The following HPS5 variants were observed in gnomAD, a reference collection of about 807,000 sequenced individuals.
HPS5 encodes BLOC-2 complex member HPS5.
HPS5 carries 83 observed loss-of-function variants against 128.0 expected under a neutral mutation model. The ratio of observed to expected loss-of-function variants is 0.65; its 90% confidence interval spans 0.54 to 0.78. The LOEUF is 0.78. Ranked by LOEUF, HPS5 falls within the 30% of genes least tolerant of loss-of-function variation. HPS5 has a pLI of 0.00. For synonymous variants in HPS5, 475 were observed against 470.2 expected (o/e 1.01, Z -0.13); for missense variants, 1,281 against 1,326.2 (o/e 0.97, Z 0.53).
intron 17 of HPS5, 38 bp downstream of exon 17, chr11:18,287,855 T>C (rs1859929891): frequency 2.5e-6 from 4 of 1,613,572 alleles, no homozygotes; most frequent in Admixed American, 1.7e-5. Flanking sequence ...AAAATGCATG[T>C]GCTTTAGCTC....
chr11:18,288,765 C>A (rs1371523959), intron 16 of HPS5, among the ~76,000 whole-genome samples: 1 of 133,416 alleles, frequency 7.5e-6, no homozygotes, highest in East Asian at 2.5e-4. Flanking sequence ...TGTGCAGCGA[C>A]GGGGTCTTCC....
chr11:18,314,667 A>G (rs1863407802), intron 2 of HPS5: 1 of 152,102 alleles, frequency 6.6e-6, no homozygotes, highest in African/African-American at 2.4e-5. Flanking sequence ...CTGTCTGCTT[A>G]TATTATTTTC....
rs760179075 is a variant in HPS5 at position 18,300,910 on chromosome 11, A to G, written c.903T>C (p.His301=). The G allele has an allele frequency of 3.8e-6, 6 of 1,576,362 alleles. No individual in the cohort carries two copies. Among genetic ancestry groups the G allele is most frequent in the Non-Finnish European group, 5.2e-6 (6 of 1,145,908 alleles). ...CTCTTTCTGTCCAAGTCAGCACACA[A>G]TGCTCACTGCAAGAGAAGAAGTGAA... is the stretch of plus-strand genomic sequence containing the variant. ...SFPKLLHLSE[H]CVLTWTERGI... is the part of the protein sequence containing the mutation. The change falls in exon 9 of 23, where the codon CAT becomes CAC. Residue 301 remains histidine (H), a synonymous_variant. Transcript: ENST00000349215.
chr11:18,307,877 C>A (rs779104223), intron 6 of HPS5, among the ~76,000 whole-genome samples: 1 of 152,120 alleles, frequency 6.6e-6, no homozygotes, highest in Non-Finnish European at 1.5e-5. Context: ...ACAGAAAGCA[C>A]GTCTAAACAT....
At chr11:18,300,947 T>C (rs1861630922) in intron 8 of HPS5, 31 bp from the exon 9 acceptor site, 1 of 1,279,496 alleles carries the variant, frequency 7.8e-7, no homozygotes. Context: ...AGAATTCAAG[T>C]GTGCTAGGAT....
chr11:18,295,088 G>A lies in HPS5; in HGVS notation c.1716C>T (p.Leu572=). 6.2e-7 allele frequency: 1 copy of A among 1,614,148 alleles called. No homozygotes were observed. Among genetic ancestry groups the A allele is most frequent in the Non-Finnish European group, 8.5e-7 (1 of 1,180,022 alleles). The change falls in exon 14 of 23, where the codon CTC becomes CTT. Residue 572 remains leucine (L), a synonymous_variant. Coordinates refer to ENST00000349215, the MANE Select transcript of HPS5 (RefSeq NM_181507.2). ...TSPDLKVRPE[L]RGDEQSCEED... is the part of the protein sequence containing the mutation. ...CTTCACATGATTGCTCATCACCCCTGAGCTCTGGTCTCACTTTCAGATCAG... is the reference window on the plus strand; with the variant it reads ...CTTCACATGATTGCTCATCACCCCTAAGCTCTGGTCTCACTTTCAGATCAG...
Position 18,317,888 on chromosome 11 carries a change from A to C in HPS5, c.-30T>G. The C allele has an allele frequency of 6.2e-7, 1 of 1,605,124 alleles. No individual in the cohort carries two copies. The highest frequency in any genetic ancestry group is 8.5e-7 in the Non-Finnish European group (1 of 1,174,266). On this transcript the variant is annotated 5_prime_UTR_variant, in exon 2 of 23. Coordinates refer to ENST00000349215, the MANE Select transcript of HPS5 (RefSeq NM_181507.2). The stretch of plus-strand genomic sequence containing the variant: ...CCAGAAAGCTGAAACTTGTTGAATG[A>C]TAGATACAGTATTCCTCACCTGAAT...
Position 18,287,917 on chromosome 11 carries a change from G to T in HPS5, c.2537C>A (p.Pro846Gln). Reference sequence around the variant, plus strand: ...CCGGGTAGCATAAACAACCAACAACGGACTATCAAAAGGAACCTCGTCATC... The same window carrying T: ...CCGGGTAGCATAAACAACCAACAACTGACTATCAAAAGGAACCTCGTCATC... Reference protein sequence around the residue: ...LLDDEVPFDSPLLVVYATRLY... With the variant: ...LLDDEVPFDSQLLVVYATRLY... The change falls in exon 17 of 23, where the codon CCG (proline) becomes CAG (glutamine). Residue 846 changes from proline (P) to glutamine (Q), a missense_variant. Physicochemically the swap from Pro to Gln is moderately conservative, Grantham distance 76 (BLOSUM62 -1). Transcript: ENST00000349215. 2 of 1,613,920 alleles carry T rather than the reference G, an allele frequency of 1.2e-6. No homozygotes were observed. Among genetic ancestry groups the T allele is most frequent in the South Asian group, 1.1e-5 (1 of 91,074 alleles).
chr11:18,310,963 T>A (rs1419679608), intron 4 of HPS5, 30 bp from the exon 5 acceptor site: 1 of 1,570,848 alleles, frequency 6.4e-7, no homozygotes, highest in South Asian at 1.1e-5. Context: ...GAGGCAAACG[T>A]GGCAACAGTG....
Position 18,291,825 on chromosome 11 carries a change from T to C in HPS5, c.2057A>G (p.Glu686Gly). The change falls in exon 16 of 23, where the codon GAA (glutamate) becomes GGA (glycine). Residue 686 changes from glutamate to glycine, a missense_variant. Physicochemically the swap from Glu to Gly is moderately conservative, Grantham distance 98 (BLOSUM62 -2). Coordinates refer to ENST00000349215, the MANE Select transcript of HPS5 (RefSeq NM_181507.2). ...GTCCCTTTTTTCTTTTTCATTATCTTCATCTAATATTCCCTTTTTTGATTC... is the reference window on the plus strand; with the variant it reads ...GTCCCTTTTTTCTTTTTCATTATCTCCATCTAATATTCCCTTTTTTGATTC... The part of the protein sequence containing the change: ...VNESKKGILD[E>G]DNEKEKRDSL... 1 of 1,612,530 alleles carries C rather than the reference T, an allele frequency of 6.2e-7. No homozygotes were observed. Among genetic ancestry groups the C allele is most frequent in the Non-Finnish European group, 8.5e-7 (1 of 1,179,494 alleles).
intron 5 of HPS5, 23 bp downstream of exon 5, chr11:18,310,718 C>A (rs371610291): frequency 1.3e-6 from 2 of 1,579,508 alleles, no homozygotes; most frequent in East Asian, 4.5e-5. Context: ...ACTACATACA[C>A]AAAGAATGGG....
chr11:18,320,304 C>A (rs1195681041), intron 1 of HPS5, among the ~76,000 whole-genome samples: 12 of 152,148 alleles, frequency 7.9e-5, no homozygotes, highest in Non-Finnish European at 1.8e-4. Context: ...ATGAGCCCTA[C>A]TTCCTAGAAT....
intron 19 of HPS5, 95 bp downstream of exon 19, chr11:18,286,496 C>G (rs1006653060): frequency 2.3e-6 from 3 of 1,279,150 alleles, no homozygotes; most frequent in Non-Finnish European, 3.3e-6. Context: ...AAGCCATGAT[C>G]TTAGCACCAC....
intron 6 of HPS5, 82 bp from the exon 7 acceptor site, chr11:18,306,429 T>C: frequency 1.2e-6 from 1 of 840,788 alleles, no homozygotes; most frequent in Non-Finnish European, 2.0e-6. Context: ...AGCATGGGCA[T>C]AATAACTCCA....
intron 18 of HPS5, among the ~76,000 whole-genome samples, chr11:18,287,231 G>C (rs573274600): frequency 6.6e-6 from 1 of 152,272 alleles, no homozygotes; most frequent in South Asian, 2.1e-4. Context: ...AGGTGGCAGT[G>C]AATCTACTCA....
Position 18,293,617 on chromosome 11 carries a change from A to T in HPS5, c.1785-641T>A, listed in dbSNP as rs1407239731. ...GCATGCAAACAACTAAGTATAATTT[A>T]AAAAAAGAGTAAGTTGAACACCAAA... On this transcript the variant is annotated intron_variant, in intron 14 of 22. Transcript: ENST00000349215. Among the ~76,000 whole-genome samples the T allele has an allele frequency of 4.6e-5, 7 of 152,332 alleles. No individual in the cohort carries two copies. In the East Asian group the frequency reaches 5.8e-4, roughly 13 times the overall value.
At chr11:18,311,275 TA>T in intron 4 of HPS5, 111 bp downstream of exon 4, 1 of 802,336 alleles carries the variant, frequency 1.2e-6, no homozygotes, top group Non-Finnish European at 2.1e-6. Context: ...GTTTCACTGT[TA>T]AAACCGGGAC....
rs750562402 is a variant in HPS5, at chr11:18,287,622, G to A, written c.2630C>T (p.Ser877Leu). The change falls in exon 18 of 23, where the codon TCG becomes TTG. Residue 877 changes from serine to leucine, a missense_variant. Transcript: ENST00000349215. ...ATGATGACAAAGTTGTATGATATCC[G>A]ATGGCAAAATGGATGGAAAGAACTT... ...LIKFFPSILP[S>L]DIIQLCHHHP... The A allele has an allele frequency of 1.5e-5, 25 of 1,613,956 alleles. No homozygotes were observed. In the African/African-American group the frequency reaches 2.1e-4, roughly 14 times the overall value.
intron 13 of HPS5, among the ~76,000 whole-genome samples, 184 bp downstream of exon 13, chr11:18,295,815 G>A (rs181735771): frequency 6.6e-5 from 10 of 152,266 alleles, no homozygotes; most frequent in Non-Finnish European, 1.5e-4. Flanking sequence ...AATACCAGCT[G>A]CTAAAACAGA....
Sources: allele counts gnomAD v4.1 joint callset (sites outside exome capture counted in the v4.1 genomes callset), GRCh38; gene constraint gnomAD v4.1.1; transcripts MANE v1.5; gene names NCBI Gene and HGNC (gene_info 2026-07-23, HGNC 2026-07-21).